DNAJC13: variants seen among roughly 807,000 people sequenced by gnomAD.
DNAJC13 encodes DnaJ heat shock protein family (Hsp40) member C13, also known as dnaJ homolog subfamily C member 13.
In DNAJC13, 75 loss-of-function variants were observed where a neutral mutation model predicts 290.5. The ratio of observed to expected loss-of-function variants is 0.26; its 90% CI spans 0.21 to 0.31. The LOEUF (loss-of-function observed/expected upper bound fraction) is 0.31. Among genes scored for constraint, DNAJC13 ranks in the 10% least tolerant of loss-of-function variants. DNAJC13 has a pLI of 1.00. For synonymous variants in DNAJC13, 862 were observed against 892.0 expected (o/e 0.97, Z 0.60); for missense variants, 2,260 against 2,674.5 (o/e 0.85, Z 3.42).
intron 45 of DNAJC13, among the ~76,000 whole-genome samples, 172 bp from the exon 46 acceptor site, chr3:132,514,399 A>T (rs1935861682): frequency 6.6e-6 from 1 of 152,130 alleles, no homozygotes. Context: ...ACCTCAAGGT[A>T]TTATTTCCAA....
chr3:132,534,938 G>T (rs1357756971), intron 55 of DNAJC13, among the ~76,000 whole-genome samples: 2 of 152,194 alleles, frequency 1.3e-5, no homozygotes, highest in African/African-American at 2.4e-5. Context: ...AAAATCCCAT[G>T]ATGTGGAACT....
intron 20 of DNAJC13, among the ~76,000 whole-genome samples, chr3:132,470,774 C>T (rs1934197356): frequency 1.6e-5 from 2 of 121,744 alleles, no homozygotes; most frequent in South Asian, 2.8e-4. Flanking sequence ...CCAGACGGGG[C>T]GGCTGGCCGG....
chr3:132,507,035 T>C (rs1935615739), intron 42 of DNAJC13, among the ~76,000 whole-genome samples: 1 of 152,180 alleles, frequency 6.6e-6, no homozygotes, highest in Non-Finnish European at 1.5e-5. Flanking sequence ...TAAAATGAGT[T>C]AATAATAGTA....
chr3:132,456,831 A>G lies in DNAJC13; in HGVS notation c.1348A>G (p.Lys450Glu). 1.9e-6 allele frequency: 3 copies of G among 1,611,154 alleles called. No homozygotes were observed. The highest frequency in any genetic ancestry group is 2.5e-6 in the Non-Finnish European group (3 of 1,178,954). The change falls in exon 12 of 56, where the codon AAG becomes GAG. Residue 450 changes from lysine to glutamate, a missense_variant and splice_region_variant. By Grantham distance (56) the Lys-to-Glu change is moderately conservative (BLOSUM62 1). Transcript: ENST00000260818. ...AGFLAFTQLP[K>E]FRERLGVKVV... The stretch of plus-strand genomic sequence containing the variant: ...TTTCCTGGCTTTCACTCAGCTTCCA[A>G]AGTAAGTTGTCTTCTGAAACTTAAC...
chr3:132,418,539 T>C (rs1274942997), intron 1 of DNAJC13, among the ~76,000 whole-genome samples: 1 of 152,204 alleles, frequency 6.6e-6, no homozygotes, highest in Non-Finnish European at 1.5e-5. Context: ...GGGAAAAAAG[T>C]AAAGATTTCA....
At chr3:132,478,276 C>A in intron 24 of DNAJC13, 136 bp downstream of exon 24, 1 of 734,662 alleles carries the variant, frequency 1.4e-6, no homozygotes, top group Admixed American at 3.5e-5. Flanking sequence ...GTAATTTATA[C>A]TTATTTAAAT....
chr3:132,489,801 T>C (rs1009214993), intron 31 of DNAJC13, among the ~76,000 whole-genome samples: 1 of 152,184 alleles, frequency 6.6e-6, no homozygotes, highest in Non-Finnish European at 1.5e-5. Context: ...CATGGCAGCA[T>C]AATTTCCACA....
In DNAJC13 at chr3:132,484,625, G is replaced by A; in HGVS notation, c.3220G>A (p.Val1074Met). 6.2e-7 allele frequency: 1 copy of A among 1,614,102 alleles called. No individual in the cohort carries two copies. The highest frequency in any genetic ancestry group is 8.5e-7 in the Non-Finnish European group (1 of 1,179,996). Residue 1074 changes from valine (V) to methionine (M), a missense_variant, in exon 29 of 56, where the codon GTG becomes ATG. Transcript: ENST00000260818. Reference sequence around the variant, plus strand: ...TGCCATCATTCGGCCTCTACCCAAAGTGAAAAGACTGCTGTCAGATAGCAC... The same window carrying A: ...TGCCATCATTCGGCCTCTACCCAAAATGAAAAGACTGCTGTCAGATAGCAC... Reference protein sequence around the residue: ...DNAIIRPLPKVKRLLSDSTCL... With the variant: ...DNAIIRPLPKMKRLLSDSTCL...
chr3:132,479,191 A>G (rs765681616), intron 24 of DNAJC13, 36 bp from the exon 25 acceptor site: 73 of 1,410,918 alleles, frequency 5.2e-5, no homozygotes, highest in Non-Finnish European at 6.6e-5. Context: ...TTTTATTTCT[A>G]TTCACTTCTG....
intron 33 of DNAJC13, 71 bp from the exon 34 acceptor site, chr3:132,494,073 A>C: frequency 1.9e-6 from 2 of 1,059,584 alleles, no homozygotes; most frequent in Non-Finnish European, 2.8e-6. Context: ...CAGCACAATA[A>C]TTCTATAACT....
chr3:132,499,187 T>C lies in DNAJC13; in HGVS notation c.4218T>C (p.Thr1406=). ...TTATTCGGACTATAACAATGGAAACTTCAGATGACCTCCTTTTCTCAAAAG... is the reference window on the plus strand; with the variant it reads ...TTATTCGGACTATAACAATGGAAACCTCAGATGACCTCCTTTTCTCAAAAG... The part of the protein sequence containing the change: ...PMLIRTITME[T]SDDLLFSKES... Residue 1406 remains threonine (T), a synonymous_variant, in exon 37 of 56, where the codon ACT becomes ACC. Transcript: ENST00000260818. 6.2e-7 allele frequency: 1 copy of C among 1,614,144 alleles called. No homozygotes were observed. The highest frequency in any genetic ancestry group is 8.5e-7 in the Non-Finnish European group (1 of 1,180,002).
At chr3:132,455,802 A>T (rs559368918) in intron 9 of DNAJC13, among the ~76,000 whole-genome samples, 1 of 152,218 alleles carries the variant, frequency 6.6e-6, no homozygotes, top group African/African-American at 2.4e-5. Context: ...GAGATAGATC[A>T]GTGGTTTCCT....
At chr3:132,505,443 G>C in intron 42 of DNAJC13, 28 bp downstream of exon 42, 2 of 1,424,804 alleles carry the variant, frequency 1.4e-6, no homozygotes. Context: ...AAATTTCTTG[G>C]GTAATTTATT....
At chr3:132,537,574 C>G (rs919536175) in intron 55 of DNAJC13, among the ~76,000 whole-genome samples, 8 of 152,228 alleles carry the variant, frequency 5.3e-5, no homozygotes, top group African/African-American at 1.9e-4. Flanking sequence ...CTGTTAGAAT[C>G]AAGGGAGAAA....
At chr3:132,425,856 GTA>G (rs1939075932) in intron 1 of DNAJC13, among the ~76,000 whole-genome samples, 1 of 152,074 alleles carries the variant, frequency 6.6e-6, no homozygotes, top group African/African-American at 2.4e-5. Flanking sequence ...TGCTGTGTGT[GTA>G]AATTTTTTTG....
Position 132,479,331 on chromosome 3 carries a change from T to C in DNAJC13, c.2772+42T>C, listed in dbSNP as rs750629816. The C allele has an allele frequency of 2.3e-6, 3 of 1,307,306 alleles. No individual in the cohort carries two copies. The South Asian group carries it at 3.6e-5, about 16-fold the overall frequency. 81.0% of individuals were successfully genotyped at this position (1,307,306 alleles called of 1,614,324 possible). ...TACATACATTGTTATTTCCAAGTCA[T>C]ATAAGTATGTAAGATAAACTCACAG... On this transcript the variant is annotated intron_variant, in intron 25 of 55. Transcript: ENST00000260818.
chr3:132,433,665 A>G (rs1431183599), intron 1 of DNAJC13, among the ~76,000 whole-genome samples: 2 of 152,218 alleles, frequency 1.3e-5, no homozygotes, highest in African/African-American at 4.8e-5. Context: ...AGCTCACCAA[A>G]AAACTTTTGG....
At chr3:132,465,125 A>G (rs920760000) in intron 17 of DNAJC13, among the ~76,000 whole-genome samples, 12 of 152,208 alleles carry the variant, frequency 7.9e-5, no homozygotes, top group African/African-American at 2.7e-4. Context: ...AAATTGGCAC[A>G]GGAATGAACA....
chr3:132,511,270 A>T (rs1935772274), intron 44 of DNAJC13, 26 bp downstream of exon 44: 1 of 1,612,198 alleles, frequency 6.2e-7, no homozygotes. Flanking sequence ...TTTGATCAAT[A>T]AGACTCGTAT....
Sources: allele counts gnomAD v4.1 joint callset (sites outside exome capture counted in the v4.1 genomes callset), GRCh38; gene constraint gnomAD v4.1.1; transcripts MANE v1.5; gene names NCBI Gene and HGNC (gene_info 2026-07-23, HGNC 2026-07-21).